Variants in KLHL14 observed in about 807,000 individuals in gnomAD.
KLHL14 encodes the protein kelch like family member 14, also known as kelch-like protein 14.
Under a neutral mutation model 64.3 loss-of-function variants are expected in KLHL14, and 22 were observed. The observed-to-expected ratio is 0.34, with a 90% CI of 0.24 to 0.49. The LOEUF (loss-of-function observed/expected upper bound fraction) is 0.49. Ranked by LOEUF, KLHL14 falls within the 20% of genes least tolerant of loss-of-function variation. The pLI is 0.99. For synonymous variants in KLHL14, 322 were observed against 333.4 expected (o/e 0.97, Z 0.37); for missense variants, 661 against 789.0 (o/e 0.84, Z 1.94).
intron 2 of KLHL14, 82 bp from the exon 3 acceptor site, chr18:32,742,131 G>C: frequency 2.1e-6 from 3 of 1,426,720 alleles, no homozygotes; most frequent in Non-Finnish European, 2.9e-6. Flanking sequence ...AACCATCAAA[G>C]AATGTTCCTT....
chr18:32,763,660 C>A (rs920439530), intron 2 of KLHL14, among the ~76,000 whole-genome samples: 14 of 152,118 alleles, frequency 9.2e-5, no homozygotes, highest in African/African-American at 2.9e-4. Context: ...TATTATTGGC[C>A]AACAACAGGT....
Position 32,695,496 on chromosome 18 carries a change from C to A in KLHL14, c.1126G>T (p.Val376Leu), listed in dbSNP as rs201071621. ...CVVEVENFLF[V>L]LGGEDQWNPN... is the part of the protein sequence containing the mutation. ...TTCCACTGGTCCTCTCCACCCAACA[C>A]GAACAAGAAGTTTTCCACCTCCACA... The change falls in exon 4 of 9, where the codon GTG (valine) becomes TTG (leucine). Residue 376 changes from valine (V) to leucine (L), a missense_variant. Transcript: ENST00000359358. The A allele has an allele frequency of 2.9e-5, 47 of 1,612,792 alleles. 1 individual carries two copies. The South Asian group carries it at 3.4e-4, about 12-fold the overall frequency.
At chr18:32,734,400 C>T (rs2050152743) in intron 3 of KLHL14, among the ~76,000 whole-genome samples, 1 of 152,206 alleles carries the variant, frequency 6.6e-6, no homozygotes, top group African/African-American at 2.4e-5. Flanking sequence ...TGCCCTCTAT[C>T]AACCTGTGTT....
chr18:32,759,556 C>T (rs1446229171), intron 2 of KLHL14, among the ~76,000 whole-genome samples: 3 of 152,042 alleles, frequency 2.0e-5, no homozygotes, highest in Non-Finnish European at 4.4e-5. Flanking sequence ...ATGGGTAAGG[C>T]GTCTGAAAAT....
chr18:32,702,631 T>C lies in KLHL14; in HGVS notation c.1070-7079A>G, dbSNP rs2049971759. ...AAGCTCTGCTACTTTTTTTCTGTTA[T>C]ATTTGGGCTCTACTATAGTTTCAAA... On this transcript the variant is annotated intron_variant, in intron 3 of 8. Coordinates refer to ENST00000359358, the MANE Select transcript of KLHL14 (RefSeq NM_020805.3). Among the ~76,000 whole-genome samples the C allele has an allele frequency of 2.6e-5, 4 of 152,150 alleles. No homozygotes were observed. In the East Asian group the frequency reaches 7.7e-4, roughly 29 times the overall value.
rs2049979156 is a variant in KLHL14 at position 32,704,163 on chromosome 18, G to A, written c.1070-8611C>T. Among the ~76,000 whole-genome samples the A allele has an allele frequency of 1.3e-5, 2 of 152,300 alleles. 1 individual carries two copies. The highest frequency in any genetic ancestry group is 4.8e-5 in the African/African-American group (2 of 41,560). ...ATTTGATAATAAAATCTTTGACAAA[G>A]GTTAAGGGAGTCAGGGCTATTTATA... On this transcript the variant is annotated intron_variant, in intron 3 of 8. Transcript: ENST00000359358.
intron 4 of KLHL14, 48 bp from the exon 5 acceptor site, chr18:32,687,281 T>C: frequency 7.0e-7 from 1 of 1,422,928 alleles, no homozygotes; most frequent in Non-Finnish European, 9.9e-7. Context: ...CTTTTGTTGA[T>C]TTGCACATGT....
intron 5 of KLHL14, among the ~76,000 whole-genome samples, chr18:32,682,365 T>C (rs1412910876): frequency 6.6e-6 from 1 of 152,098 alleles, no homozygotes; most frequent in East Asian, 1.9e-4. Context: ...ACAACAATAA[T>C]GAAAACAGTG....
intron 3 of KLHL14, among the ~76,000 whole-genome samples, chr18:32,731,424 G>C (rs1186468392): frequency 6.6e-6 from 1 of 151,864 alleles, no homozygotes; most frequent in Admixed American, 6.6e-5. Context: ...TTATAAGTGG[G>C]AGCTAAATGA....
intron 3 of KLHL14, among the ~76,000 whole-genome samples, chr18:32,719,299 A>G (rs769918444): frequency 5.9e-5 from 9 of 152,250 alleles, no homozygotes; most frequent in Non-Finnish European, 1.2e-4. Flanking sequence ...TTGTGCACCA[A>G]TGGCAGGCAC....
chr18:32,734,824 G>A (rs921767977), intron 3 of KLHL14, among the ~76,000 whole-genome samples: 2 of 152,068 alleles, frequency 1.3e-5, no homozygotes, highest in African/African-American at 4.8e-5. Context: ...AGAGTCACAC[G>A]GTCAACACAC....
chr18:32,742,548 G>A (rs7235966), intron 2 of KLHL14, among the ~76,000 whole-genome samples: 11,237 of 152,176 alleles, frequency 0.074, 1,216 homozygotes, highest in African/African-American at 0.24. Context: ...ACAATTAGTA[G>A]CACAGGGCTA....
At chr18:32,679,184 A>T (rs2049825860) in intron 7 of KLHL14, among the ~76,000 whole-genome samples, 1 of 152,192 alleles carries the variant, frequency 6.6e-6, no homozygotes. Flanking sequence ...ATGAACATGA[A>T]CTTGGAACTA....
At chr18:32,702,615 T>C (rs956387507) in intron 3 of KLHL14, among the ~76,000 whole-genome samples, 22 of 152,210 alleles carry the variant, frequency 1.4e-4, no homozygotes, top group African/African-American at 5.3e-4. Flanking sequence ...AAAGCTCTGC[T>C]ACTTTTTTTC....
chr18:32,693,842 G>T (rs2049923855), intron 4 of KLHL14, among the ~76,000 whole-genome samples: 1 of 152,174 alleles, frequency 6.6e-6, no homozygotes, highest in South Asian at 2.1e-4. Flanking sequence ...TTAGTTCAAA[G>T]ATAAAATCTT....
chr18:32,767,593 G>A (rs2050353685), intron 2 of KLHL14, among the ~76,000 whole-genome samples: 3 of 152,198 alleles, frequency 2.0e-5, no homozygotes, highest in African/African-American at 2.4e-5. Context: ...GGAGGGTGTC[G>A]TCACGGAGCC....
At chr18:32,771,483 A>T (rs2050384504) in intron 1 of KLHL14, among the ~76,000 whole-genome samples, 1 of 152,026 alleles carries the variant, frequency 6.6e-6, no homozygotes, top group Non-Finnish European at 1.5e-5. Flanking sequence ...ATGGCTTTAA[A>T]CCTGGCAGGA....
At chr18:32,721,904 T>C (rs550971791) in intron 3 of KLHL14, among the ~76,000 whole-genome samples, 1 of 152,250 alleles carries the variant, frequency 6.6e-6, no homozygotes, top group South Asian at 2.1e-4. Context: ...TCTGATATGG[T>C]TTGGCTCAGC....
At chr18:32,753,960 C>G (rs546683252) in intron 2 of KLHL14, among the ~76,000 whole-genome samples, 4 of 152,330 alleles carry the variant, frequency 2.6e-5, no homozygotes, top group African/African-American at 9.6e-5. Flanking sequence ...GAGGAAGTTG[C>G]GTGGCAAGCA....
Sources: gnomAD v4.1 joint callset for allele counts (sites outside exome capture counted in the v4.1 genomes callset) on GRCh38, gnomAD v4.1.1 for gene constraint, MANE v1.5 for transcripts, NCBI Gene and HGNC (gene_info 2026-07-23, HGNC 2026-07-21) for gene names.